The following ROBO2 variants were observed in gnomAD, a reference collection of about 807,000 sequenced individuals.
The protein encoded by ROBO2 is roundabout guidance receptor 2.
In ROBO2, 53 loss-of-function variants were observed where a neutral mutation model predicts 160.8. The observed-to-expected ratio is 0.33, with a 90% CI of 0.26 to 0.41. The LOEUF is 0.41. Among genes scored for constraint, ROBO2 ranks in the 10% least tolerant of loss-of-function variants. The pLI is 1.00. For missense variants in ROBO2, 1,577 were observed against 1,722.4 expected (o/e 0.92, Z 1.49); for synonymous variants, 664 against 611.7 (o/e 1.09, Z -1.26).
chr3:76,929,042 C>G (rs560827520), intron 2 of ROBO2, among the ~76,000 whole-genome samples: 80 of 152,152 alleles, frequency 5.3e-4, no homozygotes, highest in South Asian at 4.1e-4. Flanking sequence ...GGTGAATCAC[C>G]TGAGGTCAGG....
chr3:76,317,550 G>A (rs1158154201), intron 2 of ROBO2, among the ~76,000 whole-genome samples: 1 of 152,110 alleles, frequency 6.6e-6, no homozygotes, highest in African/African-American at 2.4e-5. Flanking sequence ...CATGCAAAAT[G>A]CAGAGTGTTC....
intron 2 of ROBO2, among the ~76,000 whole-genome samples, chr3:76,502,787 T>A (rs2080536094): frequency 6.6e-6 from 1 of 152,142 alleles, no homozygotes; most frequent in Non-Finnish European, 1.5e-5. Flanking sequence ...TCAAATCCTT[T>A]ATTTGATATG....
exon 5 of ROBO2, chr3:77,493,326 A>C (rs1166972538): frequency 6.2e-7 from 1 of 1,613,978 alleles, no homozygotes; most frequent in African/African-American, 1.3e-5. Context: ...AAGTCCAAGG[A>C]GATCCTCAAC....
At chr3:77,039,342 T>C (rs1220063638), upstream of ROBO2, among the ~76,000 whole-genome samples, 2 of 152,186 alleles carry the variant, frequency 1.3e-5, no homozygotes, top group Non-Finnish European at 2.9e-5. Flanking sequence ...GAGTGTGTGA[T>C]TTTAACGCGT....
chr3:77,294,791 G>A (rs1305603839), intron 2 of ROBO2, among the ~76,000 whole-genome samples: 11 of 150,940 alleles, frequency 7.3e-5, no homozygotes, highest in South Asian at 4.2e-4. Flanking sequence ...ACGGTTAAAC[G>A]GGTAAGCTGA....
In ROBO2 at chr3:77,475,162, T is replaced by C. The variant is rs181895919; in HGVS notation, c.389-2252T>C. On this transcript the variant is annotated intron_variant, in intron 2 of 25. Transcript: ENST00000461745. The stretch of plus-strand genomic sequence containing the variant: ...AAACACAAATGGATTTACTGAGTAC[T>C]ATACAAACCCCAAAGAGCACATTAC... Among the ~76,000 whole-genome samples, 9 of 152,256 alleles carry C rather than the reference T, an allele frequency of 5.9e-5. No homozygotes were observed. The East Asian group carries it at 1.7e-3, about 29-fold the overall frequency.
chr3:76,693,191 GTA>G (rs1223416562), intron 2 of ROBO2, among the ~76,000 whole-genome samples: 2 of 147,678 alleles, frequency 1.4e-5, no homozygotes, highest in Non-Finnish European at 3.0e-5. Flanking sequence ...TATATATAGT[GTA>G]TATATATAGT....
chr3:77,080,476 A>G (rs919607361), intron 1 of ROBO2, among the ~76,000 whole-genome samples: 8 of 152,218 alleles, frequency 5.3e-5, no homozygotes, highest in Non-Finnish European at 1.0e-4. Context: ...GGAGAAGCAG[A>G]TGCTCCAATG....
At chr3:76,203,716 T>A in intron 2 of ROBO2, among the ~76,000 whole-genome samples, 1 of 152,158 alleles carries the variant, frequency 6.6e-6, no homozygotes, top group Non-Finnish European at 1.5e-5. Flanking sequence ...TGCCTCAGGC[T>A]ATCGGCTTCC....
chr3:76,848,087 A>G (rs933037978), intron 2 of ROBO2, among the ~76,000 whole-genome samples: 2 of 152,150 alleles, frequency 1.3e-5, no homozygotes, highest in Non-Finnish European at 2.9e-5. Context: ...CATCGTGTAG[A>G]AAAAAACACC....
At chr3:76,277,927 G>T (rs1442647433) in intron 2 of ROBO2, among the ~76,000 whole-genome samples, 40 of 140,368 alleles carry the variant, frequency 2.8e-4, no homozygotes, top group South Asian at 4.6e-4. Context: ...ACAGTTTTTT[G>T]TTTTTTTTTT....
chr3:76,244,668 T>C (rs1705507924), intron 2 of ROBO2, among the ~76,000 whole-genome samples: 1 of 152,156 alleles, frequency 6.6e-6, no homozygotes. Context: ...AGAAGAAGTA[T>C]TGGACTGGAC....
At chr3:76,428,192 C>G (rs557718651) in intron 2 of ROBO2, among the ~76,000 whole-genome samples, 47 of 152,140 alleles carry the variant, frequency 3.1e-4, no homozygotes, top group Admixed American at 4.6e-4. Context: ...GCCCACATAC[C>G]TGATTTCGAG....
At chr3:76,219,037 A>G (rs931169487) in intron 2 of ROBO2, among the ~76,000 whole-genome samples, 23 of 152,326 alleles carry the variant, frequency 1.5e-4, no homozygotes, top group African/African-American at 5.5e-4. Context: ...GTCTTTGACA[A>G]ACTTGAGAAA....
intron 2 of ROBO2, among the ~76,000 whole-genome samples, chr3:77,378,213 A>G: frequency 6.6e-6 from 1 of 152,194 alleles, no homozygotes; most frequent in East Asian, 1.9e-4. Flanking sequence ...TTGAAACTCA[A>G]TAGGTAAGTA....
chr3:76,741,133 A>G (rs2093795637), intron 2 of ROBO2, among the ~76,000 whole-genome samples: 1 of 152,074 alleles, frequency 6.6e-6, no homozygotes, highest in African/African-American at 2.4e-5. Context: ...GACTCGGTTT[A>G]TAGGCTAACA....
intron 2 of ROBO2, among the ~76,000 whole-genome samples, chr3:76,337,333 T>G (rs561713680): frequency 1.1e-4 from 17 of 152,292 alleles, no homozygotes; most frequent in African/African-American, 4.1e-4. Context: ...ACGTAAACAC[T>G]ATTGGTATTA....
At chr3:76,099,826 G>A (rs115629384) in intron 2 of ROBO2, among the ~76,000 whole-genome samples, 1,550 of 152,264 alleles carry the variant, frequency 0.01, 13 homozygotes, top group Non-Finnish European at 0.016. Flanking sequence ...CTTCAGGCTG[G>A]CTAACGGCAA....
At chr3:76,966,599 A>T (rs956365549) in intron 2 of ROBO2, among the ~76,000 whole-genome samples, 2 of 152,132 alleles carry the variant, frequency 1.3e-5, no homozygotes, top group African/African-American at 4.8e-5. Context: ...AGGGGAGGAG[A>T]TTGTGCTTTC....
Sources: gnomAD v4.1 joint callset for allele counts (sites outside exome capture counted in the v4.1 genomes callset) on GRCh38, gnomAD v4.1.1 for gene constraint, MANE v1.5 for transcripts, NCBI Gene and HGNC (gene_info 2026-07-23, HGNC 2026-07-21) for gene names.